The following LRP1B variants were observed in gnomAD, a reference collection of about 807,000 sequenced individuals.
The protein encoded by LRP1B is LDL receptor related protein 1B, also known as low-density lipoprotein receptor-related protein 1B.
In LRP1B, 217 loss-of-function variants were observed where a neutral mutation model predicts 556.6. The ratio of observed to expected loss-of-function variants is 0.39; its 90% CI spans 0.35 to 0.44. LRP1B has a LOEUF of 0.44. Ranked by LOEUF, LRP1B falls within the 20% of genes least tolerant of loss-of-function variation. The pLI is 1.00. For missense variants in LRP1B, 5,053 were observed against 5,620.8 expected, an observed-to-expected ratio of 0.90 and a Z score of 3.23; for synonymous variants, 2,047 against 1,865.8, an observed-to-expected ratio of 1.10 and a Z score of -2.50.
chr2:141,498,407 A>C (rs1001462531), intron 2 of LRP1B, among the ~76,000 whole-genome samples: 3 of 149,316 alleles, frequency 2.0e-5, no homozygotes, highest in African/African-American at 7.4e-5. Context: ...ATAGTTCCAT[A>C]GGCTACAATT....
chr2:141,329,280 G>A (rs78013046), intron 3 of LRP1B, among the ~76,000 whole-genome samples: 1 of 150,786 alleles, frequency 6.6e-6, no homozygotes, highest in Non-Finnish European at 1.5e-5. Flanking sequence ...CTCAGCTACT[G>A]GAGAGGCTGA....
chr2:141,369,077 A>C (rs1689141260), intron 3 of LRP1B, among the ~76,000 whole-genome samples: 1 of 152,176 alleles, frequency 6.6e-6, no homozygotes, highest in African/African-American at 2.4e-5. Context: ...AATAATATCA[A>C]GTAGTATCAT....
intron 51 of LRP1B, among the ~76,000 whole-genome samples, chr2:140,511,283 T>C (rs945861187): frequency 2.8e-5 from 4 of 143,320 alleles, no homozygotes; most frequent in Non-Finnish European, 6.1e-5. Context: ...AATACAATCC[T>C]CTAAGGGTCT....
chr2:141,597,184 C>A (rs1361495791), intron 2 of LRP1B, among the ~76,000 whole-genome samples: 1 of 151,930 alleles, frequency 6.6e-6, no homozygotes, highest in Non-Finnish European at 1.5e-5. Flanking sequence ...ATGTCAACCA[C>A]CAGTTTGAAG....
chr2:141,936,649 C>CA (rs1700643174), intron 1 of LRP1B, among the ~76,000 whole-genome samples: 1 of 152,126 alleles, frequency 6.6e-6, no homozygotes. Context: ...AATTATCAAA[C>CA]TTTTTCTTAG....
intron 35 of LRP1B, among the ~76,000 whole-genome samples, chr2:140,719,412 TAA>T (rs34533464): frequency 0.23 from 33,943 of 150,722 alleles, 3,925 homozygotes; most frequent in South Asian, 0.29. Context: ...ATCTTTACAA[TAA>T]AAAAAAAAAG....
Position 141,054,739 on chromosome 2 carries a change from C to T in LRP1B, c.1552+377G>A, listed in dbSNP as rs201477462. 2.2e-3 allele frequency among the ~76,000 whole-genome samples: 336 copies of T among 151,880 alleles called. 1 individual carries two copies. Among genetic ancestry groups the T allele is most frequent in the African/African-American group, 7.6e-3 (316 of 41,454 alleles). On this transcript the variant is annotated intron_variant, in intron 10 of 90. Coordinates refer to ENST00000389484, the MANE Select transcript of LRP1B (RefSeq NM_018557.3). Reference sequence around the variant, plus strand: ...AGCCTGACTATACATGGATTTCTGTCGAAACAAGCAACATGCCTATTATGA... The same window carrying T: ...AGCCTGACTATACATGGATTTCTGTTGAAACAAGCAACATGCCTATTATGA...
At chr2:140,555,398 T>C (rs1181529548) in intron 43 of LRP1B, among the ~76,000 whole-genome samples, 1 of 152,102 alleles carries the variant, frequency 6.6e-6, no homozygotes, top group Non-Finnish European at 1.5e-5. Context: ...CCTAGGACTA[T>C]TAGCATGGGT....
chr2:140,646,844 A>C (rs1046987946), intron 41 of LRP1B, among the ~76,000 whole-genome samples: 13 of 152,122 alleles, frequency 8.5e-5, no homozygotes, highest in Non-Finnish European at 1.6e-4. Context: ...AGATGTATGT[A>C]ATAGACATAT....
At chr2:142,084,337 C>G (rs1363030994) in intron 1 of LRP1B, among the ~76,000 whole-genome samples, 1 of 152,058 alleles carries the variant, frequency 6.6e-6, no homozygotes, top group Non-Finnish European at 1.5e-5. Flanking sequence ...CCTCTCTGAT[C>G]AATACTTCCT....
At chr2:141,825,284 G>C (rs907201603) in intron 1 of LRP1B, among the ~76,000 whole-genome samples, 1 of 152,160 alleles carries the variant, frequency 6.6e-6, no homozygotes, top group Non-Finnish European at 1.5e-5. Context: ...AATCATGAAG[G>C]TGTAGCACAG....
At chr2:141,147,342 G>A (rs1336523892) in intron 7 of LRP1B, among the ~76,000 whole-genome samples, 1 of 152,116 alleles carries the variant, frequency 6.6e-6, no homozygotes, top group Non-Finnish European at 1.5e-5. Flanking sequence ...TTCCTATGAG[G>A]ACCCTGATAC....
chr2:141,213,601 C>A (rs76667259), intron 6 of LRP1B, among the ~76,000 whole-genome samples: 1 of 152,138 alleles, frequency 6.6e-6, no homozygotes, highest in African/African-American at 2.4e-5. Flanking sequence ...GACAGTGGCC[C>A]CAGCCTGGAT....
chr2:140,535,230 C>A (rs896058859), intron 46 of LRP1B, among the ~76,000 whole-genome samples: 3 of 152,118 alleles, frequency 2.0e-5, no homozygotes, highest in African/African-American at 7.2e-5. Flanking sequence ...CATCTGACTT[C>A]TACAAAGATA....
intron 35 of LRP1B, among the ~76,000 whole-genome samples, chr2:140,767,639 T>C (rs1379994659): frequency 6.6e-6 from 1 of 151,466 alleles, no homozygotes; most frequent in Non-Finnish European, 1.5e-5. Context: ...TTATTTTATT[T>C]TTTTTAATTA....
At chr2:141,179,094 AT>A (rs1680879085) in intron 7 of LRP1B, among the ~76,000 whole-genome samples, 1 of 152,094 alleles carries the variant, frequency 6.6e-6, no homozygotes, top group African/African-American at 2.4e-5. Context: ...TTATATGGAT[AT>A]ATTTGAAACT....
chr2:141,745,296 A>C (rs1427500338), intron 2 of LRP1B, among the ~76,000 whole-genome samples: 1 of 152,112 alleles, frequency 6.6e-6, no homozygotes, highest in Non-Finnish European at 1.5e-5. Context: ...CCATGCCCCA[A>C]GTGGGTCTTT....
intron 2 of LRP1B, among the ~76,000 whole-genome samples, chr2:141,507,159 G>T (rs1228482502): frequency 6.6e-6 from 1 of 152,042 alleles, no homozygotes; most frequent in Non-Finnish European, 1.5e-5. Flanking sequence ...GCAGCATCTT[G>T]CCTAAAATGT....
At chr2:141,699,538 C>T (rs13430461) in intron 2 of LRP1B, among the ~76,000 whole-genome samples, 51,034 of 151,098 alleles carry the variant, frequency 0.34, 9,096 homozygotes, top group East Asian at 0.57. Flanking sequence ...TTGATTTTCA[C>T]TCTTACCCTC....
Sources: gnomAD v4.1 joint callset for allele counts (sites outside exome capture counted in the v4.1 genomes callset) on GRCh38, gnomAD v4.1.1 for gene constraint, MANE v1.5 for transcripts, NCBI Gene and HGNC (gene_info 2026-07-23, HGNC 2026-07-21) for gene names.